Variants in NUP160 observed in about 807,000 individuals in gnomAD.
NUP160 encodes the protein nucleoporin 160.
In NUP160, 94 loss-of-function variants were observed where a neutral mutation model predicts 196.9. The ratio of observed to expected loss-of-function variants is 0.48; its 90% CI spans 0.40 to 0.57. NUP160 has a LOEUF of 0.57. NUP160 is among the 20% of genes least tolerant of loss of function. NUP160 has a pLI of 0.00. For synonymous variants in NUP160, 605 were observed against 619.7 expected (o/e 0.98, Z 0.35); for missense variants, 1,638 against 1,748.3 (o/e 0.94, Z 1.13).
At position 47,804,678 on chromosome 11, in the gene NUP160, G is replaced by A. The variant is rs192197635; in HGVS notation, c.2607-60C>T. The A allele has an allele frequency of 2.1e-5, 24 of 1,143,234 alleles. 1 individual carries two copies. In the Admixed American group the frequency reaches 5.8e-4, roughly 27 times the overall value. 70.8% of individuals were successfully genotyped at this position (1,143,234 alleles called of 1,614,324 possible). ...TTGGCAAATCTTAAACATATACATTGGGCATCAAATTCAGAAAAGTCCATA... is the reference window on the plus strand; with the variant it reads ...TTGGCAAATCTTAAACATATACATTAGGCATCAAATTCAGAAAAGTCCATA... On this transcript the variant is annotated intron_variant, in intron 20 of 35. Transcript: ENST00000378460.
Position 47,797,991 on chromosome 11 carries a change from T to G in NUP160, c.3170A>C (p.Asn1057Thr). 1 of 1,577,332 alleles carries G rather than the reference T, an allele frequency of 6.3e-7. No individual in the cohort carries two copies. Residue 1057 changes from asparagine (N) to threonine (T), a missense_variant, in exon 26 of 36, where the codon AAT (asparagine) becomes ACT (threonine). Physicochemically the swap from Asn to Thr is moderately conservative, Grantham distance 65. This residue lies in a region of NUP160 where 1,345 missense variants were observed against 1,470.2 expected (regional missense o/e 0.91). Transcript: ENST00000378460. Reference sequence around the variant, plus strand: ...AAGTAAAATTACCTCATTATGCAGATTCACATAGGGAAACTCTACAAGATC... The same window carrying G: ...AAGTAAAATTACCTCATTATGCAGAGTCACATAGGGAAACTCTACAAGATC...
At chr11:47,798,006 T>C in exon 26 of NUP160, 1 of 1,580,112 alleles carries the variant, frequency 6.3e-7, no homozygotes, top group Non-Finnish European at 8.6e-7. Context: ...ATAGGGAAAC[T>C]CTACAAGATC....
intron 19 of NUP160, chr11:47,806,534 G>C: frequency 4.5e-6 from 2 of 448,164 alleles, no homozygotes; most frequent in Non-Finnish European, 8.0e-6. Flanking sequence ...CAAAGTTATA[G>C]TCATTTCTTT....
intron 20 of NUP160, among the ~76,000 whole-genome samples, chr11:47,805,045 A>C (rs913399253): frequency 6.6e-6 from 1 of 152,194 alleles, no homozygotes; most frequent in Non-Finnish European, 1.5e-5. Context: ...GGTGTACCGC[A>C]GAACACAGTA....
At chr11:47,824,336 T>G (rs1448073221) in intron 7 of NUP160, among the ~76,000 whole-genome samples, 1 of 152,076 alleles carries the variant, frequency 6.6e-6, no homozygotes, top group African/African-American at 2.4e-5. Context: ...CTGGGTGCGG[T>G]GGCTCACACC....
chr11:47,783,862 T>C (rs1246515669), intron 33 of NUP160, among the ~76,000 whole-genome samples: 2 of 152,002 alleles, frequency 1.3e-5, no homozygotes, highest in Non-Finnish European at 2.9e-5. Context: ...TCCAGATAAT[T>C]TTTGTATTTT....
At chr11:47,788,303 T>A in exon 31 of NUP160, 1 of 1,613,734 alleles carries the variant, frequency 6.2e-7, no homozygotes, top group Non-Finnish European at 8.5e-7. Context: ...GCTGATGAAC[T>A]TCCTGTGAAA....
intron 18 of NUP160, among the ~76,000 whole-genome samples, chr11:47,807,347 A>C (rs2097678323): frequency 6.6e-6 from 1 of 152,222 alleles, no homozygotes; most frequent in Non-Finnish European, 1.5e-5. Context: ...GAGCCAGAGC[A>C]AACAGGATGG....
At chr11:47,822,709 T>A (rs1599334664) in intron 7 of NUP160, among the ~76,000 whole-genome samples, 1 of 152,084 alleles carries the variant, frequency 6.6e-6, no homozygotes, top group Non-Finnish European at 1.5e-5. Flanking sequence ...CCTAATGTTA[T>A]CCCTCCCCAC....
exon 13 of NUP160, chr11:47,815,558 A>G (rs1380996208): frequency 6.2e-7 from 1 of 1,613,318 alleles, no homozygotes; most frequent in Non-Finnish European, 8.5e-7. Context: ...TTGATACTGA[A>G]GACAACAGGC....
intron 16 of NUP160, 38 bp from the exon 17 acceptor site, chr11:47,812,262 G>A: frequency 6.2e-7 from 1 of 1,613,672 alleles, no homozygotes; most frequent in Non-Finnish European, 8.5e-7. Context: ...ATGCATCATT[G>A]TTTTAATCAA....
chr11:47,819,287 TG>T, intron 10 of NUP160, 86 bp downstream of exon 10: 5 of 934,854 alleles, frequency 5.3e-6, no homozygotes, highest in Non-Finnish European at 8.5e-6. Flanking sequence ...TACCCCAGCC[TG>T]GGCCACAGAG....
intron 2 of NUP160, among the ~76,000 whole-genome samples, chr11:47,842,093 T>C (rs925153727): frequency 6.6e-6 from 1 of 152,100 alleles, no homozygotes; most frequent in Admixed American, 6.5e-5. Flanking sequence ...TCCACATATG[T>C]GACCTTGCCT....
At chr11:47,839,647 C>T (rs931518516) in intron 4 of NUP160, 196 bp downstream of exon 4, 14 of 581,930 alleles carry the variant, frequency 2.4e-5, no homozygotes, top group African/African-American at 3.7e-5. Context: ...TTTGTTTTTC[C>T]GTGCTCCAAT....
chr11:47,830,692 A>G (rs1423672548), intron 7 of NUP160, among the ~76,000 whole-genome samples: 1 of 152,166 alleles, frequency 6.6e-6, no homozygotes, highest in Admixed American at 6.6e-5. Context: ...AACAACAAAC[A>G]TTAGGGTCTA....
At chr11:47,841,708 T>G (rs529674235) in intron 2 of NUP160, 3 of 285,202 alleles carry the variant, frequency 1.1e-5, no homozygotes, top group Admixed American at 7.9e-5. Context: ...TGTTTTTTTT[T>G]TGAGACAGGG....
chr11:47,782,300 AAAAATATATATATATATATATAT>A lies in NUP160; in HGVS notation c.4116+750_4116+772del, dbSNP rs1200683901. ...GAGCAAAACTCAGTTAAAAAAAAAA[AAAAATATATATATATATATATAT>A]ATATATATATATATATATATATATA... On this transcript the variant is annotated intron_variant, in intron 34 of 35. Transcript: ENST00000378460. Among the ~76,000 whole-genome samples, 332 of 42,518 alleles carry A rather than the reference AAAAATATATATATATATATATAT, an allele frequency of 7.8e-3. 19 individuals carry two copies. In the South Asian group the frequency reaches 0.083, roughly 11 times the overall value. 27.9% of individuals were successfully genotyped at this position (42,518 alleles called of 152,430 possible).
At chr11:47,782,144 T>C (rs2097661232) in intron 34 of NUP160, among the ~76,000 whole-genome samples, 1 of 150,960 alleles carries the variant, frequency 6.6e-6, no homozygotes, top group Non-Finnish European at 1.5e-5. Context: ...ATTAGCTGGA[T>C]GTGGTGGCAG....
At chr11:47,792,838 C>A (rs761421184) in exon 28 of NUP160, 4 of 1,613,984 alleles carry the variant, frequency 2.5e-6, no homozygotes, top group Non-Finnish European at 3.4e-6. Flanking sequence ...ACGAATAAGT[C>A]GTAAACAATT....
Sources: gnomAD v4.1 joint callset for allele counts (sites outside exome capture counted in the v4.1 genomes callset) on GRCh38, gnomAD v4.1.1 for gene constraint, gnomAD v4.1.1 regional missense constraint, MANE v1.5 for transcripts, NCBI Gene and HGNC (gene_info 2026-07-23, HGNC 2026-07-21) for gene names.